Variants in ANTXR1 observed in about 807,000 individuals in gnomAD.
ANTXR1 encodes anthrax toxin receptor 1.
A neutral mutation model predicts 78.1 loss-of-function variants in ANTXR1; 19 were observed. The observed-to-expected ratio is 0.24, with a 90% CI of 0.17 to 0.36. ANTXR1 has a LOEUF of 0.36. Ranked by LOEUF, ANTXR1 falls within the 10% of genes least tolerant of loss-of-function variation. The probability of loss-of-function intolerance (pLI) is 1.00; values close to 1 mark genes in which losing one functional copy is unlikely to be tolerated. For missense variants in ANTXR1, 518 were observed against 718.6 expected (o/e 0.72, Z 3.19); for synonymous variants, 273 against 260.5 (o/e 1.05, Z -0.46).
intron 9 of ANTXR1, among the ~76,000 whole-genome samples, chr2:69,100,813 A>G (rs572736869): frequency 9.2e-5 from 14 of 152,342 alleles, no homozygotes; most frequent in African/African-American, 3.4e-4. Context: ...GACACGTACT[A>G]AATTGCTTAT....
chr2:69,105,696 C>A lies in ANTXR1; in HGVS notation c.802+2756C>A, dbSNP rs542542629. On this transcript the variant is annotated intron_variant, in intron 10 of 17. Coordinates refer to ENST00000303714, the MANE Select transcript of ANTXR1 (RefSeq NM_032208.3). Reference sequence around the variant, plus strand: ...CCATTTTCCTTCCCCACCTCTATACCCCAAGTTTTAAAATGTTATCTGTTT... The same window carrying A: ...CCATTTTCCTTCCCCACCTCTATACACCAAGTTTTAAAATGTTATCTGTTT... Among the ~76,000 whole-genome samples, 6 of 152,262 alleles carry A rather than the reference C, an allele frequency of 3.9e-5. No individual in the cohort carries two copies. The South Asian group carries it at 6.2e-4, about 16-fold the overall frequency.
At chr2:69,165,959 G>A (rs1673815569) in intron 13 of ANTXR1, among the ~76,000 whole-genome samples, 1 of 152,180 alleles carries the variant, frequency 6.6e-6, no homozygotes, top group African/African-American at 2.4e-5. Context: ...TGAATTATTA[G>A]AGAGCGCTTT....
chr2:69,179,155 G>A (rs1674209122), intron 14 of ANTXR1, among the ~76,000 whole-genome samples: 1 of 152,098 alleles, frequency 6.6e-6, no homozygotes, highest in African/African-American at 2.4e-5. Context: ...CACATCATAA[G>A]GTGAAAGAAA....
chr2:69,123,162 A>C, intron 11 of ANTXR1, 76 bp downstream of exon 11: 2 of 1,485,720 alleles, frequency 1.3e-6, no homozygotes, highest in Admixed American at 3.3e-5. Flanking sequence ...GGGAAAAGAA[A>C]GCATCTAGAG....
intron 13 of ANTXR1, 73 bp from the exon 14 acceptor site, chr2:69,170,175 T>A: frequency 6.4e-7 from 1 of 1,560,444 alleles, no homozygotes; most frequent in Non-Finnish European, 8.8e-7. Flanking sequence ...CCACGGTACC[T>A]CCTGACAGCA....
chr2:69,123,067 A>G lies in ANTXR1; in HGVS notation c.853A>G (p.Ile285Val). The G allele has an allele frequency of 1.2e-6, 2 of 1,614,130 alleles. No homozygotes were observed. The highest frequency in any genetic ancestry group is 1.7e-6 in the Non-Finnish European group (2 of 1,180,016). The change falls in exon 11 of 18, where the codon ATC becomes GTC. Residue 285 changes from isoleucine (I) to valine (V), a missense_variant. By Grantham distance (29) the Ile-to-Val change is conservative. Transcript: ENST00000303714. ...TACTTATTTACTGTGTCCAGCGCCT[A>G]TCTTAAAAGAAGTTGGCATGTAAGT... is the stretch of plus-strand genomic sequence containing the variant. ...EDTYLLCPAPILKEVGMKAAL... is the reference protein window; with the variant it reads ...EDTYLLCPAPVLKEVGMKAAL...
At chr2:69,183,574 G>GTTTTT (rs55898655) in intron 16 of ANTXR1, among the ~76,000 whole-genome samples, 6 of 109,290 alleles carry the variant, frequency 5.5e-5, no homozygotes, top group Admixed American at 1.0e-4. Context: ...GCTAATTTTT[G>GTTTTT]TTTTTTTTTT....
intron 13 of ANTXR1, among the ~76,000 whole-genome samples, chr2:69,164,151 T>C (rs1223684861): frequency 6.6e-6 from 1 of 152,124 alleles, no homozygotes; most frequent in Non-Finnish European, 1.5e-5. Flanking sequence ...ACAGGGCAAG[T>C]GAATTTACAT....
chr2:69,171,376 T>G (rs1410548651), intron 14 of ANTXR1, among the ~76,000 whole-genome samples: 1 of 152,234 alleles, frequency 6.6e-6, no homozygotes. Flanking sequence ...GAAAAAACCT[T>G]CTTTACATAC....
At chr2:69,241,125 G>A (rs775025459) in intron 17 of ANTXR1, among the ~76,000 whole-genome samples, 13 of 152,276 alleles carry the variant, frequency 8.5e-5, no homozygotes, top group East Asian at 1.9e-4. Flanking sequence ...ATCTTGGATC[G>A]GAATCAAACC....
intron 1 of ANTXR1, among the ~76,000 whole-genome samples, chr2:69,039,359 C>T (rs1279533583): frequency 2.0e-5 from 3 of 152,112 alleles, no homozygotes; most frequent in East Asian, 1.9e-4. Context: ...CTCATGATTC[C>T]GTATGTCCTA....
At chr2:69,024,839 C>T (rs930084782) in intron 1 of ANTXR1, among the ~76,000 whole-genome samples, 3 of 152,142 alleles carry the variant, frequency 2.0e-5, no homozygotes, top group African/African-American at 7.2e-5. Flanking sequence ...CCTCTCCCCA[C>T]CTTGTATTCT....
At chr2:69,043,365 C>A (rs1452706771) in intron 2 of ANTXR1, among the ~76,000 whole-genome samples, 1 of 152,154 alleles carries the variant, frequency 6.6e-6, no homozygotes, top group African/African-American at 2.4e-5. Context: ...ATCATACGTG[C>A]AAATCACTAT....
At chr2:69,150,145 C>A (rs918683029) in intron 12 of ANTXR1, among the ~76,000 whole-genome samples, 1 of 152,206 alleles carries the variant, frequency 6.6e-6, no homozygotes, top group South Asian at 2.1e-4. Flanking sequence ...CAAGTAAGAG[C>A]TGCCTTTAAA....
chr2:69,138,201 G>A (rs1672971259), intron 12 of ANTXR1, among the ~76,000 whole-genome samples: 1 of 151,958 alleles, frequency 6.6e-6, no homozygotes, highest in South Asian at 2.1e-4. Flanking sequence ...AGATTTAATA[G>A]TTTGGGGAAA....
intron 17 of ANTXR1, among the ~76,000 whole-genome samples, chr2:69,203,870 G>A (rs1337814611): frequency 6.6e-6 from 1 of 152,132 alleles, no homozygotes; most frequent in Non-Finnish European, 1.5e-5. Flanking sequence ...GTCGAGTCCT[G>A]GAATCAGGTT....
chr2:69,072,223 T>TA (rs879413871), intron 5 of ANTXR1, among the ~76,000 whole-genome samples: 68 of 152,316 alleles, frequency 4.5e-4, no homozygotes, highest in Middle Eastern at 3.4e-3. Context: ...CTTTCCTATA[T>TA]TTAAATGAAA....
chr2:69,118,612 A>G (rs1379896000), intron 10 of ANTXR1, among the ~76,000 whole-genome samples: 1 of 152,100 alleles, frequency 6.6e-6, no homozygotes, highest in East Asian at 1.9e-4. Flanking sequence ...ATGGCCACCT[A>G]GAGGGTGGAC....
intron 12 of ANTXR1, among the ~76,000 whole-genome samples, chr2:69,136,227 A>G (rs1672906955): frequency 6.6e-6 from 1 of 152,134 alleles, no homozygotes; most frequent in Non-Finnish European, 1.5e-5. Context: ...TCAGTCACTT[A>G]TTTTCCACTG....
Sources: allele counts gnomAD v4.1 joint callset (sites outside exome capture counted in the v4.1 genomes callset), GRCh38; gene constraint gnomAD v4.1.1; transcripts MANE v1.5; gene names NCBI Gene and HGNC (gene_info 2026-07-23, HGNC 2026-07-21).